SETBP1: variants seen among roughly 807,000 people sequenced by gnomAD.
SETBP1 encodes the protein SET-binding protein.
SETBP1 carries 9 observed loss-of-function variants against 101.0 expected under a neutral mutation model. The observed-to-expected ratio is 0.09, with a 90% CI of 0.05 to 0.16. The LOEUF is 0.16. SETBP1 is among the 10% of genes least tolerant of loss of function. The probability of loss-of-function intolerance (pLI) is 1.00; values close to 1 mark genes in which losing one functional copy is unlikely to be tolerated. For synonymous variants in SETBP1, 818 were observed against 788.5 expected, an observed-to-expected ratio of 1.04 and a Z score of -0.63; for missense variants, 1,858 against 2,033.8, an observed-to-expected ratio of 0.91 and a Z score of 1.66.
intron 5 of SETBP1, among the ~76,000 whole-genome samples, chr18:45,060,982 T>C (rs527585418): frequency 7.4e-4 from 112 of 152,358 alleles, no homozygotes; most frequent in African/African-American, 2.6e-3. Flanking sequence ...TACTTTATTC[T>C]TTCATGCTAT....
intron 4 of SETBP1, among the ~76,000 whole-genome samples, chr18:44,967,294 C>A (rs940112363): frequency 6.6e-6 from 1 of 152,200 alleles, no homozygotes; most frequent in Non-Finnish European, 1.5e-5. Flanking sequence ...CTGGAAAGGG[C>A]AGTCATCACC....
intron 2 of SETBP1, among the ~76,000 whole-genome samples, chr18:44,819,392 A>G (rs545260905): frequency 6.6e-6 from 1 of 152,164 alleles, no homozygotes; most frequent in South Asian, 2.1e-4. Context: ...ATATCACTGG[A>G]TGTTTTCTTT....
chr18:44,935,062 G>A (rs187156905), intron 3 of SETBP1, among the ~76,000 whole-genome samples: 63 of 151,238 alleles, frequency 4.2e-4, no homozygotes, highest in Admixed American at 2.1e-3. Flanking sequence ...ACAGGGAGGA[G>A]CGGCAATGAA....
intron 2 of SETBP1, among the ~76,000 whole-genome samples, chr18:44,792,467 C>A (rs1374488987): frequency 6.6e-6 from 1 of 152,174 alleles, no homozygotes; most frequent in Non-Finnish European, 1.5e-5. Context: ...ATTCAGGGAG[C>A]AAACTGTGCA....
chr18:45,013,002 TAC>T (rs1165576441), intron 4 of SETBP1, among the ~76,000 whole-genome samples: 3 of 152,212 alleles, frequency 2.0e-5, no homozygotes, highest in African/African-American at 7.2e-5. Flanking sequence ...ACATGCATAA[TAC>T]ACTTGGCACT....
chr18:45,027,014 G>A (rs1232608253), intron 4 of SETBP1, among the ~76,000 whole-genome samples: 1 of 152,104 alleles, frequency 6.6e-6, no homozygotes, highest in African/African-American at 2.4e-5. Context: ...AACTTGGGAT[G>A]TCTCCTCTTT....
rs907369675 is a variant in SETBP1 at position 44,846,818 on chromosome 18, G to T, written c.487-22412G>T. ...ATAACTGTTCCACCAATATTTTATA[G>T]AAATCCCAGTCAAAATCAGTTTTAG... On this transcript the variant is annotated intron_variant, in intron 2 of 5. Transcript: ENST00000649279. 3.9e-5 allele frequency among the ~76,000 whole-genome samples: 6 copies of T among 152,162 alleles called. No individual in the cohort carries two copies. In the East Asian group the frequency reaches 1.2e-3, roughly 29 times the overall value.
intron 2 of SETBP1, among the ~76,000 whole-genome samples, chr18:44,862,785 T>C (rs1018985585): frequency 2.0e-5 from 3 of 152,334 alleles, no homozygotes; most frequent in African/African-American, 7.2e-5. Flanking sequence ...AGGTGTGTAT[T>C]TTCAGGGGAC....
At chr18:44,724,369 C>G (rs1014373637) in intron 2 of SETBP1, among the ~76,000 whole-genome samples, 1 of 151,192 alleles carries the variant, frequency 6.6e-6, no homozygotes, top group Admixed American at 6.6e-5. Flanking sequence ...CCCTGAGCCT[C>G]TAATCTCAGT....
chr18:44,788,086 A>T (rs989138047), intron 2 of SETBP1, among the ~76,000 whole-genome samples: 1 of 151,410 alleles, frequency 6.6e-6, no homozygotes, highest in Non-Finnish European at 1.5e-5. Context: ...AATGTCCCAG[A>T]TGTTAGGTGG....
intron 2 of SETBP1, among the ~76,000 whole-genome samples, chr18:44,796,689 C>G (rs376463354): frequency 6.6e-6 from 1 of 152,174 alleles, no homozygotes; most frequent in Admixed American, 6.5e-5. Flanking sequence ...CTGCACATGG[C>G]AGAATACTGT....
At chr18:44,888,870 G>C (rs189825007) in intron 3 of SETBP1, among the ~76,000 whole-genome samples, 12 of 152,188 alleles carry the variant, frequency 7.9e-5, no homozygotes, top group Admixed American at 6.5e-4. Flanking sequence ...GAGGCCTAGA[G>C]AGTTGTCTTG....
intron 4 of SETBP1, chr18:44,986,798 C>G (rs1388174313): frequency 6.6e-6 from 1 of 152,100 alleles, no homozygotes; most frequent in African/African-American, 2.4e-5. Flanking sequence ...CCTATAATAA[C>G]AATGCCTTGC....
intron 2 of SETBP1, among the ~76,000 whole-genome samples, chr18:44,786,105 T>C (rs1156570337): frequency 1.3e-5 from 2 of 152,246 alleles, no homozygotes; most frequent in Non-Finnish European, 2.9e-5. Flanking sequence ...CTAGCAGAGA[T>C]ATGTCCCTTT....
chr18:44,854,347 A>G (rs958743111), intron 2 of SETBP1, among the ~76,000 whole-genome samples: 1 of 152,180 alleles, frequency 6.6e-6, no homozygotes, highest in Admixed American at 6.5e-5. Context: ...ACTCAGGTAC[A>G]TCTTGAATTC....
At chr18:44,867,270 C>T (rs1267432287) in intron 2 of SETBP1, among the ~76,000 whole-genome samples, 2 of 152,222 alleles carry the variant, frequency 1.3e-5, no homozygotes, top group Admixed American at 6.5e-5. Flanking sequence ...TCCTTAAGGT[C>T]GGCTGTGGCT....
At chr18:44,948,499 T>TGATAGATAGATAGATAGATA (rs11437850) in intron 3 of SETBP1, among the ~76,000 whole-genome samples, 3,433 of 149,812 alleles carry the variant, frequency 0.023, 44 homozygotes, top group East Asian at 0.029. Context: ...CAAAGATAGA[T>TGATAGATAGATAGATAGATA]GATAGATAGA....
At chr18:44,927,818 CCT>C (rs1568220970) in intron 3 of SETBP1, among the ~76,000 whole-genome samples, 5 of 152,052 alleles carry the variant, frequency 3.3e-5, no homozygotes. Flanking sequence ...ATGCTGTACC[CCT>C]GTTAGTGGGT....
intron 4 of SETBP1, among the ~76,000 whole-genome samples, chr18:44,967,694 C>G (rs184075597): frequency 6.6e-6 from 1 of 152,264 alleles, no homozygotes; most frequent in Non-Finnish European, 1.5e-5. Flanking sequence ...TTTTGCTGGC[C>G]TTTGCTTCTA....
Sources: allele counts gnomAD v4.1 joint callset (sites outside exome capture counted in the v4.1 genomes callset), GRCh38; gene constraint gnomAD v4.1.1; transcripts MANE v1.5; gene names NCBI Gene and HGNC (gene_info 2026-07-23, HGNC 2026-07-21).